NPAS3: variants seen among roughly 807,000 people sequenced by gnomAD.
NPAS3 encodes neuronal PAS domain-containing protein 3.
A neutral mutation model predicts 73.1 loss-of-function variants in NPAS3; 14 were observed. That is an observed-to-expected ratio of 0.19 (90% CI 0.13 to 0.30). The LOEUF (loss-of-function observed/expected upper bound fraction) is 0.30. Among genes scored for constraint, NPAS3 ranks in the 10% least tolerant of loss-of-function variants. The pLI, the probability that NPAS3 is intolerant of heterozygous loss-of-function variation, is 1.00. For synonymous variants in NPAS3, 620 were observed against 541.5 expected, an observed-to-expected ratio of 1.14 and a Z score of -2.01; for missense variants, 1,096 against 1,250.0, an observed-to-expected ratio of 0.88 and a Z score of 1.86.
Position 33,544,800 on chromosome 14 carries a change from A to ATATATATG in NPAS3, c.469-15314_469-15313insGTATATAT, listed in dbSNP as rs1555409931. ...TTATGTGTGTGTATTATATATATAT[A>ATATATATG]TATATATATATGTATATATAATATA... On this transcript the variant is annotated intron_variant, in intron 4 of 11. Coordinates refer to ENST00000356141, the Ensembl canonical transcript of NPAS3. 5.1e-4 allele frequency among the ~76,000 whole-genome samples: 43 copies of ATATATATG among 84,616 alleles called. 2 individuals are homozygous for ATATATATG. The highest frequency in any genetic ancestry group is 2.4e-3 in the African/African-American group (43 of 18,080). The allele number at this position is 84,616 out of a possible 152,430, so 55.5% of individuals were successfully genotyped here.
chr14:33,714,409 A>C (rs1189331585), intron 6 of NPAS3, among the ~76,000 whole-genome samples: 1 of 152,112 alleles, frequency 6.6e-6, no homozygotes, highest in Non-Finnish European at 1.5e-5. Context: ...TTAACTGAAT[A>C]AATTCTAACA....
intron 4 of NPAS3, among the ~76,000 whole-genome samples, chr14:33,415,691 G>A (rs562642825): frequency 6.6e-5 from 10 of 152,058 alleles, no homozygotes; most frequent in Admixed American, 1.3e-4. Flanking sequence ...CATATTTTCC[G>A]TCCAAGACAT....
chr14:33,072,346 G>C (rs886934052), intron 2 of NPAS3, among the ~76,000 whole-genome samples: 4 of 152,204 alleles, frequency 2.6e-5, no homozygotes, highest in African/African-American at 9.6e-5. Flanking sequence ...AACAACTTCA[G>C]TTGTTCTAGT....
At chr14:33,593,607 A>G (rs1461007600) in intron 5 of NPAS3, among the ~76,000 whole-genome samples, 2 of 152,192 alleles carry the variant, frequency 1.3e-5, no homozygotes, top group African/African-American at 4.8e-5. Flanking sequence ...ACAAGTCCTC[A>G]CCTTTTCTCC....
At chr14:33,438,880 T>C (rs753787365) in intron 4 of NPAS3, among the ~76,000 whole-genome samples, 1 of 152,204 alleles carries the variant, frequency 6.6e-6, no homozygotes, top group Non-Finnish European at 1.5e-5. Context: ...TTTGCTTCTG[T>C]ATGACATCTC....
At chr14:33,793,189 C>A (rs2063412127) in intron 9 of NPAS3, among the ~76,000 whole-genome samples, 1 of 152,186 alleles carries the variant, frequency 6.6e-6, no homozygotes, top group Admixed American at 6.5e-5. Flanking sequence ...CATTTGGGGC[C>A]ATATTTCAGA....
At chr14:33,799,896 A>G in exon 12 of NPAS3, 1 of 1,614,224 alleles carries the variant, frequency 6.2e-7, no homozygotes, top group Non-Finnish European at 8.5e-7. Flanking sequence ...GACAGCGACG[A>G]CAGCTTCGAG....
chr14:33,758,242 A>C (rs1365251921), intron 7 of NPAS3, among the ~76,000 whole-genome samples: 4 of 152,172 alleles, frequency 2.6e-5, no homozygotes, highest in African/African-American at 9.7e-5. Context: ...TTCTGAACAC[A>C]AAAAGCAGTT....
At chr14:33,422,635 C>T (rs1393060429) in intron 4 of NPAS3, among the ~76,000 whole-genome samples, 2 of 151,828 alleles carry the variant, frequency 1.3e-5, no homozygotes, top group African/African-American at 2.4e-5. Flanking sequence ...CTTTTATTCT[C>T]ATCTATCCCT....
intron 2 of NPAS3, among the ~76,000 whole-genome samples, chr14:33,066,095 G>A (rs1354313731): frequency 2.0e-5 from 3 of 152,092 alleles, no homozygotes; most frequent in Non-Finnish European, 4.4e-5. Flanking sequence ...TCCAGGGGAA[G>A]CAGCATGCTT....
chr14:33,471,709 A>G (rs2050789324), intron 4 of NPAS3, among the ~76,000 whole-genome samples: 1 of 152,236 alleles, frequency 6.6e-6, no homozygotes, highest in Admixed American at 6.5e-5. Flanking sequence ...TTTATCTAAT[A>G]AAGGGGGAAA....
intron 3 of NPAS3, among the ~76,000 whole-genome samples, chr14:33,363,708 C>T (rs2045707449): frequency 1.3e-5 from 2 of 152,058 alleles, no homozygotes; most frequent in South Asian, 4.2e-4. Context: ...AACACTAATT[C>T]CCTTATAGTA....
Position 32,939,534 on chromosome 14 carries a change from G to A in NPAS3, c.50+168G>A, listed in dbSNP as rs377571561. Among the ~76,000 whole-genome samples the A allele has an allele frequency of 1.3e-3, 191 of 148,342 alleles. 3 individuals carry two copies. The East Asian group carries it at 0.028, about 22-fold the overall frequency. ...CCGGGGCCCCGCGCATTGTCCCCGC[G>A]GCGGCTGCGGCAGCGAGAGGCTCTG... On this transcript the variant is annotated intron_variant, in intron 1 of 11. Transcript: ENST00000356141.
chr14:33,790,346 C>G (rs1213959477), intron 9 of NPAS3, among the ~76,000 whole-genome samples: 1 of 152,164 alleles, frequency 6.6e-6, no homozygotes, highest in Admixed American at 6.5e-5. Context: ...AAATAAAAAA[C>G]AACAGCCACT....
chr14:32,961,373 A>G (rs149392421), intron 1 of NPAS3, among the ~76,000 whole-genome samples: 3,223 of 150,548 alleles, frequency 0.021, 122 homozygotes, highest in African/African-American at 0.074. Flanking sequence ...ATTGCACCAC[A>G]GCACTCCAGC....
At chr14:33,038,192 A>T (rs1490486077) in intron 1 of NPAS3, among the ~76,000 whole-genome samples, 2 of 152,228 alleles carry the variant, frequency 1.3e-5, no homozygotes, top group Non-Finnish European at 2.9e-5. Flanking sequence ...AATGATTTTT[A>T]AAAATCTATC....
At chr14:33,348,512 G>A (rs1446374375) in intron 3 of NPAS3, among the ~76,000 whole-genome samples, 14 of 152,176 alleles carry the variant, frequency 9.2e-5, no homozygotes, top group Non-Finnish European at 8.8e-5. Flanking sequence ...ATTAGAACAA[G>A]TGAATTATTT....
chr14:33,016,447 A>G (rs1453267850), intron 1 of NPAS3, among the ~76,000 whole-genome samples: 1 of 152,062 alleles, frequency 6.6e-6, no homozygotes, highest in Non-Finnish European at 1.5e-5. Context: ...TGATTGAGTG[A>G]TGGCCTGTGG....
chr14:33,083,065 C>T (rs1436716056), intron 2 of NPAS3, among the ~76,000 whole-genome samples: 1 of 151,364 alleles, frequency 6.6e-6, no homozygotes, highest in African/African-American at 2.4e-5. Context: ...TGCCTGTAGT[C>T]CCAACTACTT....
Sources: allele counts gnomAD v4.1 joint callset (sites outside exome capture counted in the v4.1 genomes callset), GRCh38; gene constraint gnomAD v4.1.1; transcripts MANE v1.5; gene names NCBI Gene and HGNC (gene_info 2026-07-23, HGNC 2026-07-21).